Variants in BRSK1 observed in about 807,000 individuals in gnomAD.
The protein encoded by BRSK1 is serine/threonine-protein kinase BRSK1.
Under a neutral mutation model 86.2 loss-of-function variants are expected in BRSK1, and 17 were observed. That is an observed-to-expected ratio of 0.20 (90% CI 0.14 to 0.30). BRSK1 has a LOEUF of 0.30. BRSK1 is among the 10% of genes least tolerant of loss of function. The pLI, the probability that BRSK1 is intolerant of heterozygous loss-of-function variation, is 1.00. For missense variants in BRSK1, 719 were observed against 1,071.9 expected (o/e 0.67, Z 4.60); for synonymous variants, 464 against 440.1 (o/e 1.05, Z -0.68).
In BRSK1 at chr19:55,298,191, C is replaced by CT. The variant is rs377504520; in HGVS notation, c.679-3311dup. 7.5e-3 allele frequency among the ~76,000 whole-genome samples: 525 copies of CT among 70,360 alleles called. 2 individuals carry two copies. The highest frequency in any genetic ancestry group is 0.02 in the African/African-American group (390 of 19,520). 46.2% of individuals were successfully genotyped at this position (70,360 alleles called of 152,430 possible). On this transcript the variant is annotated intron_variant, in intron 7 of 18. Transcript: ENST00000309383. The stretch of plus-strand genomic sequence containing the variant: ...TGATGATTATTATTAGTAGTTTATT[C>CT]TTTTTTTTTTGTTTCTTCTTTTTTT...
At chr19:55,309,354 T>A (rs1367741561) in intron 18 of BRSK1, among the ~76,000 whole-genome samples, 2 of 152,180 alleles carry the variant, frequency 1.3e-5, no homozygotes, top group Admixed American at 6.5e-5. Flanking sequence ...AAGACTCAAA[T>A]TCTCTAGCAA....
chr19:55,312,249 A>T lies in BRSK1; in HGVS notation c.*181A>T. On this transcript the variant is annotated 3_prime_UTR_variant, in exon 19 of 19. Transcript: ENST00000309383. The stretch of plus-strand genomic sequence containing the variant: ...CAACTGGGGGTGGTTCTAGGGGAAC[A>T]GGGGGCGGGGGAGCTGTTTCTATTT... The T allele has an allele frequency of 7.6e-6, 2 of 262,224 alleles. No homozygotes were observed. Among genetic ancestry groups the T allele is most frequent in the Admixed American group, 6.1e-5 (1 of 16,284 alleles). The allele number at this position is 262,224 out of a possible 1,614,324, so 16.2% of individuals were successfully genotyped here.
rs767100726 is a variant in BRSK1, at chr19:55,294,318, T to G, written c.610-11T>G. ...AGGAGCGATGAAGTCACAACTGGCCTTCCCTTCCAGGGGGAAAAATATGAT... is the reference window on the plus strand; with the variant it reads ...AGGAGCGATGAAGTCACAACTGGCCGTCCCTTCCAGGGGGAAAAATATGAT... On this transcript the variant is annotated splice_polypyrimidine_tract_variant and intron_variant, in intron 6 of 18. Transcript: ENST00000309383. This position sits in a 1 kb window ranked among gnomAD's most constrained non-coding sequence, Gnocchi z 4.9. 1.2e-6 allele frequency: 2 copies of G among 1,614,122 alleles called. No homozygotes were observed. The highest frequency in any genetic ancestry group is 3.3e-5 in the Admixed American group (2 of 60,002).
chr19:55,291,841 C>T (rs2088411162), intron 4 of BRSK1, among the ~76,000 whole-genome samples: 2 of 152,228 alleles, frequency 1.3e-5, no homozygotes, highest in Non-Finnish European at 2.9e-5. Context: ...TCACTGCAAC[C>T]TCCACCTCCC....
At chr19:55,286,982 C>A (rs1407641052) in intron 1 of BRSK1, 25 bp from the exon 2 acceptor site, 38 of 1,612,450 alleles carry the variant, frequency 2.4e-5, no homozygotes, top group Non-Finnish European at 3.0e-5. Flanking sequence ...GCGGAACACC[C>A]CACATTTTCA....
At chr19:55,288,968 T>A (rs769635876) in intron 3 of BRSK1, among the ~76,000 whole-genome samples, 1 of 152,160 alleles carries the variant, frequency 6.6e-6, no homozygotes, top group Non-Finnish European at 1.5e-5. Flanking sequence ...TGGTGCAACC[T>A]TGCAATCGTT....
intron 3 of BRSK1, chr19:55,288,177 C>T (rs2088348434): frequency 6.6e-6 from 1 of 152,270 alleles, no homozygotes; most frequent in Non-Finnish European, 1.5e-5. Flanking sequence ...CATCTAAGAG[C>T]TCATAGAAAT....
chr19:55,284,492 T>TACCCCC lies in BRSK1; in HGVS notation c.50_51insACCCCC (p.Pro18_His19insProPro). On this transcript the variant is annotated inframe_insertion, in exon 1 of 19. Coordinates refer to ENST00000309383, the MANE Select transcript of BRSK1 (RefSeq NM_032430.2). ...GGTGGGGGCTCTCCCGCCTACCACCTCCCCCACCCCCACCCCCACCCACCC... is the reference window on the plus strand; with the variant it reads ...GGTGGGGGCTCTCCCGCCTACCACCTACCCCCCCCCCACCCCCACCCCCACCCACCC... 2 of 776,244 alleles carry TACCCCC rather than the reference T, an allele frequency of 2.6e-6. No homozygotes were observed. The highest frequency in any genetic ancestry group is 3.7e-6 in the Non-Finnish European group (2 of 546,156). The allele number at this position is 776,244 out of a possible 1,614,324, so 48.1% of individuals were successfully genotyped here. A position where few individuals can be genotyped will look rare whatever the true frequency, so the allele number is the denominator to read the frequency against.
At position 55,312,524 on chromosome 19, in the gene BRSK1, C is replaced by T. The variant is rs183293646; in HGVS notation, c.*456C>T. ...CTGCCTGCGTCCGTGTCTCTGATTC[C>T]GCCGGCGGCAAAAAAAAAAAAAAAA... On this transcript the variant is annotated 3_prime_UTR_variant, in exon 19 of 19. Coordinates refer to ENST00000309383, the MANE Select transcript of BRSK1 (RefSeq NM_032430.2). 3.5e-3 allele frequency: 583 copies of T among 166,144 alleles called. 4 individuals carry two copies. The highest frequency in any genetic ancestry group is 0.017 in the African/African-American group (549 of 31,522). 10.3% of individuals were successfully genotyped at this position (166,144 alleles called of 1,614,324 possible).
In BRSK1 at chr19:55,305,313, C is replaced by T. The variant is rs1208712612; in HGVS notation, c.1718-8C>T. 8 of 1,613,886 alleles carry T rather than the reference C, an allele frequency of 5.0e-6. No individual in the cohort carries two copies. The highest frequency in any genetic ancestry group is 1.3e-5 in the African/African-American group (1 of 74,894). On this transcript the variant is annotated splice_polypyrimidine_tract_variant and splice_region_variant and intron_variant, in intron 14 of 18. Transcript: ENST00000309383. ...TGTTGACCACGTTCTCTGCCTTCCCCCTACCAGTCCCTACCGCTGAGGAGA... is the reference window on the plus strand; with the variant it reads ...TGTTGACCACGTTCTCTGCCTTCCCTCTACCAGTCCCTACCGCTGAGGAGA...
At chr19:55,298,202 G>GTTTTTTTTTTTTTTTTTTTTTT (rs2088517236) in intron 7 of BRSK1, among the ~76,000 whole-genome samples, 1 of 76,828 alleles carries the variant, frequency 1.3e-5, no homozygotes, top group Non-Finnish European at 2.8e-5. Flanking sequence ...TTTTTTTTTT[G>GTTTTTTTTTTTTTTTTTTTTTT]TTTCTTCTTT....
chr19:55,289,641 G>A lies in BRSK1; in HGVS notation c.458+21G>A, dbSNP rs778514561. ...ATCTGGTGAGTGGGCAGCTTGAGGG[G>A]GAGGAGGGGCTGAGGGCTGCCCAGC... On this transcript the variant is annotated intron_variant, in intron 4 of 18. Transcript: ENST00000309383. The A allele has an allele frequency of 3.1e-6, 5 of 1,612,034 alleles. No homozygotes were observed. In the South Asian group the frequency reaches 5.5e-5, roughly 18 times the overall value.
At position 55,284,566 on chromosome 19, in the gene BRSK1, A is replaced by G; in HGVS notation, c.124A>G (p.Lys42Glu). 9.3e-7 allele frequency: 1 copy of G among 1,070,180 alleles called. No homozygotes were observed. Among genetic ancestry groups the G allele is most frequent in the Non-Finnish European group, 1.2e-6 (1 of 868,302 alleles). 66.3% of individuals were successfully genotyped at this position (1,070,180 alleles called of 1,614,324 possible). A position where few individuals can be genotyped will look rare whatever the true frequency, so the allele number is the denominator to read the frequency against. Reference protein sequence around the residue: ...GPYRLEKTLGKGQTGLVKLGV... With the variant: ...GPYRLEKTLGEGQTGLVKLGV... ...CTATCGGCTGGAGAAGACGCTGGGCAAAGGACAGACAGGTGAGCCTAGCAG... is the reference window on the plus strand; with the variant it reads ...CTATCGGCTGGAGAAGACGCTGGGCGAAGGACAGACAGGTGAGCCTAGCAG... The change falls in exon 1 of 19, where the codon AAA (lysine) becomes GAA (glutamate). Residue 42 changes from lysine to glutamate, a missense_variant. Lys to Glu is a moderately conservative substitution (Grantham distance 56). Coordinates refer to ENST00000309383, the MANE Select transcript of BRSK1 (RefSeq NM_032430.2).
rs755391793 is a variant in BRSK1 at position 55,302,775 on chromosome 19, C to G, written c.936C>G (p.Asn312Lys). Residue 312 changes from asparagine to lysine, a missense_variant, in exon 10 of 19, where the codon AAC (asparagine) becomes AAG (lysine). Around this residue, in one of 6 missense-constraint regions of BRSK1, gnomAD observed 168 missense variants for 246.3 expected, o/e 0.68. Coordinates refer to ENST00000309383, the MANE Select transcript of BRSK1 (RefSeq NM_032430.2). The surrounding 1 kb of genome is among the most constrained non-coding windows in gnomAD (Gnocchi z 6.3). ...TAGCCATGCGGAGCCTGCCATCCAA[C>G]GGAGAGCTGGACCCCGACGTCCTAG... ...RRVAMRSLPS[N>K]GELDPDVLES... 2 of 1,613,812 alleles carry G rather than the reference C, an allele frequency of 1.2e-6. No homozygotes were observed. The highest frequency in any genetic ancestry group is 1.1e-5 in the South Asian group (1 of 91,084).
chr19:55,303,270 C>A lies in BRSK1; in HGVS notation c.1029-41C>A, dbSNP rs2088598936. On this transcript the variant is annotated intron_variant, in intron 10 of 18. Coordinates refer to ENST00000309383, the MANE Select transcript of BRSK1 (RefSeq NM_032430.2). The surrounding 1 kb of genome is among the most constrained non-coding windows in gnomAD (Gnocchi z 5.1). ...CTGAGCATTGATGTTGGACCTCAGC[C>A]CTCTGCTACCTCTTTCCACCTTTCC... The A allele has an allele frequency of 6.7e-7, 1 of 1,498,502 alleles. No individual in the cohort carries two copies. 92.8% of individuals were successfully genotyped at this position (1,498,502 alleles called of 1,614,324 possible).
chr19:55,284,626 TG>T, intron 1 of BRSK1, 48 bp downstream of exon 1: 2 of 1,224,700 alleles, frequency 1.6e-6, no homozygotes, highest in South Asian at 3.3e-5. Flanking sequence ...AGGGTGGAGG[TG>T]GCGGCAGAGG....
rs777848724 is a variant in BRSK1 at position 55,312,106 on chromosome 19, C to A, written c.*38C>A. 20 of 990,282 alleles carry A rather than the reference C, an allele frequency of 2.0e-5. No homozygotes were observed. In the East Asian group the frequency reaches 3.9e-4, roughly 19 times the overall value. The allele number at this position is 990,282 out of a possible 1,614,324, so 61.3% of individuals were successfully genotyped here. On this transcript the variant is annotated 3_prime_UTR_variant, in exon 19 of 19. Coordinates refer to ENST00000309383, the MANE Select transcript of BRSK1 (RefSeq NM_032430.2). ...GGGGAGGGAGGGGACCCCCCTCCACCCCCCTTCCGTGCCCCCCAACTGTGA... is the reference window on the plus strand; with the variant it reads ...GGGGAGGGAGGGGACCCCCCTCCACACCCCTTCCGTGCCCCCCAACTGTGA...
chr19:55,302,817 G>C lies in BRSK1; in HGVS notation c.978G>C (p.Leu326=). The change falls in exon 10 of 19, where the codon CTG becomes CTC. Residue 326 remains leucine (L), a synonymous_variant. Coordinates refer to ENST00000309383, the MANE Select transcript of BRSK1 (RefSeq NM_032430.2). The surrounding 1 kb of genome is among the most constrained non-coding windows in gnomAD (Gnocchi z 6.3). ...DPDVLESMAS[L]GCFRDRERLH... Reference sequence around the variant, plus strand: ...ACGTCCTAGAGAGCATGGCATCACTGGGCTGCTTCAGGGACCGCGAGAGGC... The same window carrying C: ...ACGTCCTAGAGAGCATGGCATCACTCGGCTGCTTCAGGGACCGCGAGAGGC... The C allele has an allele frequency of 1.3e-5, 21 of 1,613,850 alleles. No individual in the cohort carries two copies. Among genetic ancestry groups the C allele is most frequent in the Non-Finnish European group, 1.8e-5 (21 of 1,179,964 alleles).
chr19:55,300,541 A>G (rs576718574), intron 7 of BRSK1, among the ~76,000 whole-genome samples: 1 of 152,068 alleles, frequency 6.6e-6, no homozygotes, highest in East Asian at 1.9e-4. Flanking sequence ...CATCTCTGCT[A>G]AAAATACAAA....
Sources: gnomAD v4.1 joint callset for allele counts (sites outside exome capture counted in the v4.1 genomes callset) on GRCh38, gnomAD v4.1.1 for gene constraint, gnomAD v4.1.1 regional missense constraint, Gnocchi (gnomAD v3.1) non-coding constraint, MANE v1.5 for transcripts, NCBI Gene and HGNC (gene_info 2026-07-23, HGNC 2026-07-21) for gene names.